The following RELCH variants were observed in gnomAD, a reference collection of about 807,000 sequenced individuals.
RELCH encodes the protein RAB11 binding and LisH domain, coiled-coil and HEAT repeat containing, also known as RAB11-binding protein RELCH.
RELCH carries 41 observed loss-of-function variants against 150.3 expected under a neutral mutation model. That is an observed-to-expected ratio of 0.27 (90% CI 0.21 to 0.35). RELCH has a LOEUF of 0.35. Among genes scored for constraint, RELCH ranks in the 10% least tolerant of loss-of-function variants. The pLI is 1.00. For missense variants in RELCH, 1,092 were observed against 1,467.8 expected, an observed-to-expected ratio of 0.74 and a Z score of 4.18; for synonymous variants, 478 against 531.8, an observed-to-expected ratio of 0.90 and a Z score of 1.39.
chr18:62,192,031 A>T lies in RELCH; in HGVS notation c.526+4000A>T, dbSNP rs138705277. ...CCAGCAACAGTGTAAAAGTGTTCCT[A>T]TTTCTCTGCAACCTCTCCAGCATCT... On this transcript the variant is annotated intron_variant, in intron 1 of 28. Coordinates refer to ENST00000644646, the MANE Select transcript of RELCH (RefSeq NM_001346231.2). Among the ~76,000 whole-genome samples the T allele has an allele frequency of 7.6e-3, 1,156 of 152,244 alleles. 7 individuals are homozygous for T. Among genetic ancestry groups the T allele is most frequent in the Non-Finnish European group, 0.011 (778 of 67,994 alleles).
intron 10 of RELCH, among the ~76,000 whole-genome samples, chr18:62,244,487 G>A (rs1303564348): frequency 2.6e-5 from 4 of 152,254 alleles, no homozygotes; most frequent in East Asian, 1.9e-4. Context: ...TAGTGTAAAA[G>A]CTAGTGGGCC....
At position 62,309,255 on chromosome 18, in the gene RELCH, G is replaced by T; in HGVS notation, c.*3721G>T. ...ATCTCAAAAAAAAAAAATAATAATA[G>T]AGACAAACTACTAATCAAAAATAAT... On this transcript the variant is annotated 3_prime_UTR_variant, in exon 29 of 29. Transcript: ENST00000644646. 1 of 144,212 alleles carries T rather than the reference G, an allele frequency of 6.9e-6. No individual in the cohort carries two copies. The allele number at this position is 144,212 out of a possible 1,614,324, so 8.9% of individuals were successfully genotyped here.
At position 62,187,481 on chromosome 18, in the gene RELCH, G is replaced by T; in HGVS notation, c.-25G>T. Reference sequence around the variant, plus strand: ...CGGCCCGTCGGAACCAGTCAGGGAGGCGCCCACACTCCTGACAGGATAAGA... The same window carrying T: ...CGGCCCGTCGGAACCAGTCAGGGAGTCGCCCACACTCCTGACAGGATAAGA... On this transcript the variant is annotated 5_prime_UTR_variant, in exon 1 of 29. Coordinates refer to ENST00000644646, the MANE Select transcript of RELCH (RefSeq NM_001346231.2). 6.7e-7 allele frequency: 1 copy of T among 1,498,666 alleles called. No homozygotes were observed. The highest frequency in any genetic ancestry group is 8.9e-7 in the Non-Finnish European group (1 of 1,124,286). The allele number at this position is 1,498,666 out of a possible 1,614,324, so 92.8% of individuals were successfully genotyped here. A position where few individuals can be genotyped will look rare whatever the true frequency, so the allele number is the denominator to read the frequency against.
chr18:62,226,007 T>G (rs1458038478), intron 5 of RELCH, among the ~76,000 whole-genome samples: 1 of 151,968 alleles, frequency 6.6e-6, no homozygotes, highest in East Asian at 1.9e-4. Flanking sequence ...TCCTCTGGTT[T>G]TCTCTAAAGC....
chr18:62,200,318 A>C (rs1460473407), intron 1 of RELCH, among the ~76,000 whole-genome samples: 1 of 152,200 alleles, frequency 6.6e-6, no homozygotes, highest in Non-Finnish European at 1.5e-5. Context: ...GCAAGGACAA[A>C]GTTTTACCGA....
At chr18:62,227,881 A>G (rs1220321218) in intron 7 of RELCH, among the ~76,000 whole-genome samples, 192 bp downstream of exon 7, 1 of 152,160 alleles carries the variant, frequency 6.6e-6, no homozygotes, top group East Asian at 1.9e-4. Flanking sequence ...AAAACAAGTT[A>G]CTAAATCAAT....
chr18:62,193,779 G>A (rs1306999270), intron 1 of RELCH, among the ~76,000 whole-genome samples: 1 of 152,028 alleles, frequency 6.6e-6, no homozygotes, highest in Non-Finnish European at 1.5e-5. Context: ...ATTTTATTGA[G>A]GATTTTTGCA....
At chr18:62,298,416 G>A (rs971474985) in intron 27 of RELCH, among the ~76,000 whole-genome samples, 19 of 152,164 alleles carry the variant, frequency 1.2e-4, no homozygotes, top group Admixed American at 9.2e-4. Context: ...GCAAAGGGGC[G>A]TAGAACAGGA....
chr18:62,305,660 C>T lies in RELCH; in HGVS notation c.*126C>T. 1 of 994,598 alleles carries T rather than the reference C, an allele frequency of 1.0e-6. No homozygotes were observed. The highest frequency in any genetic ancestry group is 1.4e-6 in the Non-Finnish European group (1 of 698,762). The allele number at this position is 994,598 out of a possible 1,614,324, so 61.6% of individuals were successfully genotyped here. On this transcript the variant is annotated 3_prime_UTR_variant, in exon 29 of 29. Transcript: ENST00000644646. This position sits in a 1 kb window ranked among gnomAD's most constrained non-coding sequence, Gnocchi z 4.0. Reference sequence around the variant, plus strand: ...TCTTGCATTATAATTTTATCCTAACCTCCAAAGATATTTGCACTGCTTTTA... The same window carrying T: ...TCTTGCATTATAATTTTATCCTAACTTCCAAAGATATTTGCACTGCTTTTA...
intron 1 of RELCH, among the ~76,000 whole-genome samples, chr18:62,193,389 TC>T (rs2148181938): frequency 6.6e-6 from 1 of 152,256 alleles, no homozygotes; most frequent in Non-Finnish European, 1.5e-5. Flanking sequence ...GGCCAGAACT[TC>T]CAATACCATG....
intron 27 of RELCH, among the ~76,000 whole-genome samples, chr18:62,295,844 A>T (rs1251012695): frequency 6.6e-6 from 1 of 152,222 alleles, no homozygotes; most frequent in Non-Finnish European, 1.5e-5. Flanking sequence ...CAGTGCTGGG[A>T]TTACAGGCTT....
intron 14 of RELCH, 38 bp from the exon 15 acceptor site, chr18:62,258,474 C>A (rs1473952137): frequency 4.6e-6 from 7 of 1,523,924 alleles, no homozygotes; most frequent in Non-Finnish European, 5.3e-6. Context: ...TAAGTTTATC[C>A]CTTTAAAAAT....
In RELCH at chr18:62,231,175, T is replaced by G; in HGVS notation, c.1449-19T>G. 1 of 1,490,648 alleles carries G rather than the reference T, an allele frequency of 6.7e-7. No individual in the cohort carries two copies. Among genetic ancestry groups the G allele is most frequent in the Non-Finnish European group, 9.3e-7 (1 of 1,075,090 alleles). 92.3% of individuals were successfully genotyped at this position (1,490,648 alleles called of 1,614,324 possible). A position where few individuals can be genotyped will look rare whatever the true frequency, so the allele number is the denominator to read the frequency against. On this transcript the variant is annotated intron_variant, in intron 8 of 28. Transcript: ENST00000644646. ...GGTAATTATTTGATATTGTCTCTTT[T>G]TCATACATTTTCTTCTAGGAAATTG...
At chr18:62,204,894 G>A (rs2039683113) in intron 1 of RELCH, among the ~76,000 whole-genome samples, 1 of 152,102 alleles carries the variant, frequency 6.6e-6, no homozygotes, top group Non-Finnish European at 1.5e-5. Context: ...TATTTTCCAG[G>A]ATTCAACCTT....
chr18:62,195,038 AT>A (rs1239504234), intron 1 of RELCH, among the ~76,000 whole-genome samples: 2 of 152,100 alleles, frequency 1.3e-5, no homozygotes, highest in African/African-American at 4.8e-5. Flanking sequence ...TTTTTTCTTG[AT>A]TATAAGAATA....
chr18:62,232,366 T>G lies in RELCH; in HGVS notation c.1559T>G (p.Met520Arg), dbSNP rs533925080. Residue 520 changes from methionine (M) to arginine (R), a missense_variant, in exon 10 of 29, where the codon ATG becomes AGG. Around this residue, in one of 4 missense-constraint regions of RELCH, gnomAD observed 707 missense variants for 1,025.4 expected, o/e 0.69. Coordinates refer to ENST00000644646, the MANE Select transcript of RELCH (RefSeq NM_001346231.2). ...ATTGCAGACAGTGAAAAAAGCGTTA[T>G]GTTAATGCTGGGACGCTGCCTGCCA... The part of the protein sequence containing the change: ...SRIADSEKSV[M>R]LMLGRCLPHI... The G allele has an allele frequency of 3.7e-6, 6 of 1,612,016 alleles. 1 individual carries two copies. In the East Asian group the frequency reaches 1.1e-4, roughly 30 times the overall value.
chr18:62,229,485 G>GGTGTGTGT (rs58842870), intron 8 of RELCH, among the ~76,000 whole-genome samples: 2,321 of 143,364 alleles, frequency 0.016, 42 homozygotes, highest in Middle Eastern at 0.079. Context: ...GTATAGTAGG[G>GGTGTGTGT]GTGTGTGTGT....
intron 10 of RELCH, 75 bp downstream of exon 10, chr18:62,232,502 G>T: frequency 1.2e-6 from 1 of 857,042 alleles, no homozygotes; most frequent in African/African-American, 1.7e-5. Flanking sequence ...GAAGTTGAGT[G>T]TTATATTTTT....
intron 5 of RELCH, among the ~76,000 whole-genome samples, chr18:62,225,241 C>T (rs916133191): frequency 2.0e-5 from 3 of 151,554 alleles, no homozygotes; most frequent in African/African-American, 7.3e-5. Context: ...AGCTGTAAGG[C>T]TTCTAGAGGA....
Sources: allele counts gnomAD v4.1 joint callset (sites outside exome capture counted in the v4.1 genomes callset), GRCh38; gene constraint gnomAD v4.1.1; regional missense constraint gnomAD v4.1.1; non-coding constraint Gnocchi (gnomAD v3.1); transcripts MANE v1.5; gene names NCBI Gene and HGNC (gene_info 2026-07-23, HGNC 2026-07-21).